ZNF721: variants seen among roughly 807,000 people sequenced by gnomAD.
ZNF721 encodes the protein zinc finger protein 721.
ZNF721 carries 2 observed loss-of-function variants against 2.4 expected under a neutral mutation model. That is an observed-to-expected ratio of 0.82 (90% CI 0.34 to 2.58). The LOEUF (loss-of-function observed/expected upper bound fraction) is 2.58. ZNF721 is among the 30% of genes most tolerant of loss of function. The probability of loss-of-function intolerance (pLI) is 0.11; values close to 1 mark genes in which losing one functional copy is unlikely to be tolerated. For synonymous variants in ZNF721, 398 were observed against 381.8 expected (o/e 1.04, Z -0.50); for missense variants, 1,187 against 1,085.5 (o/e 1.09, Z -1.31).
intron 1 of ZNF721, among the ~76,000 whole-genome samples, chr4:487,027 G>A (rs535056136): frequency 7.9e-5 from 12 of 152,326 alleles, no homozygotes; most frequent in Admixed American, 1.3e-4. Flanking sequence ...TCAGGCCAAC[G>A]TTGATCCTGA....
At chr4:445,426 A>G (rs1211118062) in intron 2 of ZNF721, among the ~76,000 whole-genome samples, 1 of 152,214 alleles carries the variant, frequency 6.6e-6, no homozygotes, top group Non-Finnish European at 1.5e-5. Flanking sequence ...AGACTACATC[A>G]TGACAAAGCA....
In ZNF721 at chr4:470,516, C is replaced by A. The variant is rs137949916; in HGVS notation, c.34+2059G>T. Reference sequence around the variant, plus strand: ...ATCACTTGAGGTCAGAAGATCGAGACCGGCCTGACCAACATAGAGAAACCC... The same window carrying A: ...ATCACTTGAGGTCAGAAGATCGAGAACGGCCTGACCAACATAGAGAAACCC... On this transcript the variant is annotated intron_variant, in intron 2 of 2. Coordinates refer to ENST00000511833, the MANE Select transcript of ZNF721 (RefSeq NM_133474.4). Among the ~76,000 whole-genome samples, 7 of 152,190 alleles carry A rather than the reference C, an allele frequency of 4.6e-5. No individual in the cohort carries two copies. The East Asian group carries it at 1.4e-3, about 29-fold the overall frequency.
At chr4:484,301 T>G (rs1366278808) in intron 1 of ZNF721, among the ~76,000 whole-genome samples, 4 of 152,234 alleles carry the variant, frequency 2.6e-5, no homozygotes, top group African/African-American at 9.6e-5. Context: ...CTCAGGACCC[T>G]GTAATAATTG....
At chr4:493,003 T>C (rs1553871718) in intron 1 of ZNF721, among the ~76,000 whole-genome samples, 2 of 151,996 alleles carry the variant, frequency 1.3e-5, no homozygotes, top group African/African-American at 4.8e-5. Flanking sequence ...TAATGAAATA[T>C]CTATTATTTA....
At chr4:474,910 C>T (rs1480692569) in intron 1 of ZNF721, among the ~76,000 whole-genome samples, 1 of 150,146 alleles carries the variant, frequency 6.7e-6, no homozygotes, top group Non-Finnish European at 1.5e-5. Context: ...AAATGTTGGC[C>T]GGGCGCAGTG....
At position 441,042 on chromosome 4, in the gene ZNF721, A is replaced by T. The variant is rs1714216012; in HGVS notation, c.*653T>A. On this transcript the variant is annotated 3_prime_UTR_variant, in exon 3 of 3. Coordinates refer to ENST00000511833, the MANE Select transcript of ZNF721 (RefSeq NM_133474.4). The stretch of plus-strand genomic sequence containing the variant: ...CATTTGTAGGATTTCTCTCCAATAT[A>T]AATTCTCTGATGTTGAACAAAGTTT... 1 of 152,228 alleles carries T rather than the reference A, an allele frequency of 6.6e-6. No homozygotes were observed. The highest frequency in any genetic ancestry group is 2.4e-5 in the African/African-American group (1 of 41,450). The allele number at this position is 152,228 out of a possible 1,614,324, so 9.4% of individuals were successfully genotyped here. A position where few individuals can be genotyped will look rare whatever the true frequency, so the allele number is the denominator to read the frequency against.
chr4:467,976 A>C (rs190304619), intron 2 of ZNF721, among the ~76,000 whole-genome samples: 190 of 151,950 alleles, frequency 1.3e-3, no homozygotes, highest in African/African-American at 4.4e-3. Flanking sequence ...CTCTACTAAA[A>C]ATACAAAAAA....
intron 2 of ZNF721, among the ~76,000 whole-genome samples, chr4:459,830 CA>C (rs561152957): frequency 1.7e-4 from 21 of 121,068 alleles, no homozygotes; most frequent in African/African-American, 3.2e-4. Flanking sequence ...GACTCCGTCT[CA>C]AAAAAAAAAG....
intron 1 of ZNF721, among the ~76,000 whole-genome samples, chr4:484,760 C>T (rs185591775): frequency 6.6e-6 from 1 of 152,332 alleles, no homozygotes; most frequent in African/African-American, 2.4e-5. Flanking sequence ...CCCGAAACTT[C>T]TTTAGCAATT....
rs782721849 is a variant in ZNF721, at chr4:442,006, A to G, written c.2461T>C (p.Ser821Pro). ...CLECGKAFTS[S>P]TTLTKHRRIH... is the part of the protein sequence containing the mutation. The stretch of plus-strand genomic sequence containing the variant: ...CTCCTATGTTTAGTAAGGGTTGTGG[A>G]ACTAGTAAACGCTTTACCACATTCT... Residue 821 changes from serine to proline, a missense_variant, in exon 3 of 3, where the codon TCC becomes CCC. By Grantham distance (74) the Ser-to-Pro change is moderately conservative. Transcript: ENST00000511833. 2.1e-5 allele frequency: 34 copies of G among 1,613,768 alleles called. No individual in the cohort carries two copies. The highest frequency in any genetic ancestry group is 2.7e-5 in the African/African-American group (2 of 74,854).
chr4:440,370 G>A lies in ZNF721; in HGVS notation c.*1325C>T, dbSNP rs887088091. The A allele has an allele frequency of 8.5e-5, 13 of 152,072 alleles. No individual in the cohort carries two copies. Among genetic ancestry groups the A allele is most frequent in the African/African-American group, 2.9e-4 (12 of 41,412 alleles). The allele number at this position is 152,072 out of a possible 1,614,324, so 9.4% of individuals were successfully genotyped here. On this transcript the variant is annotated 3_prime_UTR_variant, in exon 3 of 3. Coordinates refer to ENST00000511833, the MANE Select transcript of ZNF721 (RefSeq NM_133474.4). ...AATGTTGAAATAGTATAATTTTAGA[G>A]TTGAATTATTTGCTTTTGAAAAAAA...
At chr4:449,781 T>C (rs1013734390) in intron 2 of ZNF721, among the ~76,000 whole-genome samples, 6 of 152,046 alleles carry the variant, frequency 3.9e-5, no homozygotes, top group Admixed American at 6.6e-5. Context: ...GAAATACAAA[T>C]AGCCAAAAAG....
Position 498,395 on chromosome 4 carries a change from C to G in ZNF721, c.-94+661G>C, listed in dbSNP as rs1716404949. ...ATCAATATGCATTTATCTCAGTGAG[C>G]AGAGGAATGACTTTGAATAGAATGG... On this transcript the variant is annotated intron_variant, in intron 1 of 2. Coordinates refer to ENST00000511833, the MANE Select transcript of ZNF721 (RefSeq NM_133474.4). Among the ~76,000 whole-genome samples, 4 of 152,176 alleles carry G rather than the reference C, an allele frequency of 2.6e-5. No homozygotes were observed. The South Asian group carries it at 8.3e-4, about 32-fold the overall frequency.
intron 2 of ZNF721, among the ~76,000 whole-genome samples, chr4:460,152 C>T (rs115274782): frequency 0.015 from 2,214 of 152,248 alleles, 56 homozygotes; most frequent in African/African-American, 0.049. Flanking sequence ...TTATTCTCGG[C>T]ACCACATCGC....
intron 1 of ZNF721, among the ~76,000 whole-genome samples, chr4:482,833 T>A (rs1417825175): frequency 3.9e-5 from 6 of 152,316 alleles, no homozygotes; most frequent in Non-Finnish European, 5.9e-5. Flanking sequence ...CAAAGAGGGC[T>A]TGTAGTTACC....
intron 2 of ZNF721, among the ~76,000 whole-genome samples, chr4:446,956 G>A (rs965346377): frequency 5.3e-5 from 8 of 152,164 alleles, no homozygotes; most frequent in Non-Finnish European, 1.0e-4. Context: ...AAATTGCTGG[G>A]ATTACACACG....
At chr4:474,238 G>GC in intron 1 of ZNF721, 1 of 370,286 alleles carries the variant, frequency 2.7e-6, no homozygotes, top group Admixed American at 3.7e-5. Context: ...ATTGGATATG[G>GC]GTCCAGGCTT....
intron 2 of ZNF721, among the ~76,000 whole-genome samples, chr4:457,359 A>G (rs1399262311): frequency 1.3e-5 from 2 of 152,172 alleles, no homozygotes; most frequent in Admixed American, 1.3e-4. Flanking sequence ...AGGGTTGTGA[A>G]CCCAAGACTG....
At chr4:481,979 A>C (rs1219429674) in intron 1 of ZNF721, among the ~76,000 whole-genome samples, 2 of 152,258 alleles carry the variant, frequency 1.3e-5, no homozygotes, top group Admixed American at 6.5e-5. Flanking sequence ...AAACTGAGTT[A>C]GATTTTATAA....
Sources: allele counts gnomAD v4.1 joint callset (sites outside exome capture counted in the v4.1 genomes callset), GRCh38; gene constraint gnomAD v4.1.1; transcripts MANE v1.5; gene names NCBI Gene and HGNC (gene_info 2026-07-23, HGNC 2026-07-21).